The following SCN11A variants were observed in gnomAD, a reference collection of about 807,000 sequenced individuals.
SCN11A encodes sodium channel protein type 11 subunit alpha.
In SCN11A, 122 loss-of-function variants were observed where a neutral mutation model predicts 162.2. The observed-to-expected ratio is 0.75, with a 90% CI of 0.65 to 0.87. The LOEUF (loss-of-function observed/expected upper bound fraction) is 0.87. SCN11A is among the 40% of genes least tolerant of loss of function. The probability of loss-of-function intolerance (pLI) is 0.00; values close to 1 mark genes in which losing one functional copy is unlikely to be tolerated. For synonymous variants in SCN11A, 758 were observed against 751.5 expected, an observed-to-expected ratio of 1.01 and a Z score of -0.14; for missense variants, 2,015 against 2,181.6, an observed-to-expected ratio of 0.92 and a Z score of 1.52.
chr3:38,973,225 A>G (rs1055581136), intron 2 of SCN11A, among the ~76,000 whole-genome samples: 2 of 152,178 alleles, frequency 1.3e-5, no homozygotes, highest in African/African-American at 4.8e-5. Context: ...AACTATTCTC[A>G]ACCTTCAGTT....
chr3:38,934,688 T>C (rs2066300875), intron 7 of SCN11A, among the ~76,000 whole-genome samples: 2 of 151,930 alleles, frequency 1.3e-5, no homozygotes, highest in South Asian at 4.2e-4. Context: ...CTATCCTAAA[T>C]ATATATGCAC....
intron 21 of SCN11A, among the ~76,000 whole-genome samples, chr3:38,884,890 T>G (rs1439402067): frequency 2.0e-5 from 3 of 152,260 alleles, no homozygotes; most frequent in Non-Finnish European, 4.4e-5. Context: ...GGCCAGAATT[T>G]GAGCTCAGGC....
chr3:38,931,664 T>C (rs6422145), intron 7 of SCN11A, among the ~76,000 whole-genome samples: 135,709 of 152,278 alleles, frequency 0.89, 60,555 homozygotes, highest in South Asian at 0.92. Flanking sequence ...GTTCACATAG[T>C]CCCTTTCCTG....
intron 2 of SCN11A, among the ~76,000 whole-genome samples, chr3:39,012,273 C>T (rs1233877481): frequency 1.3e-5 from 2 of 151,894 alleles, no homozygotes; most frequent in Non-Finnish European, 2.9e-5. Flanking sequence ...TGCAGTGAGT[C>T]GAGATTACGC....
intron 2 of SCN11A, among the ~76,000 whole-genome samples, chr3:39,012,376 TG>T (rs1463366248): frequency 6.6e-6 from 1 of 152,110 alleles, no homozygotes; most frequent in African/African-American, 2.4e-5. Context: ...ATAAACTTGG[TG>T]TACTGGATCA....
Position 38,846,831 on chromosome 3 carries a change from A to G in SCN11A, c.5239T>C (p.Tyr1747His), listed in dbSNP as rs1484570597. The change falls in exon 30 of 30, where the codon TAC (tyrosine) becomes CAC (histidine). Residue 1747 changes from tyrosine to histidine, a missense_variant. Tyr to His is a moderately conservative substitution (Grantham distance 83). Coordinates refer to ENST00000302328, the MANE Select transcript of SCN11A (RefSeq NM_001349253.2). ...TCACCCTTGGTCACCTTCATCATGT[A>G]CTTTCGAAAGGCCTTTTGAATAATA... Reference protein sequence around the residue: ...AAIIQKAFRKYMMKVTKGDQG... With the variant: ...AAIIQKAFRKHMMKVTKGDQG... The G allele has an allele frequency of 3.1e-6, 5 of 1,613,546 alleles. No individual in the cohort carries two copies. The highest frequency in any genetic ancestry group is 4.2e-6 in the Non-Finnish European group (5 of 1,179,930).
chr3:38,907,342 G>GTATA (rs1211789727), intron 14 of SCN11A, among the ~76,000 whole-genome samples: 1 of 31,762 alleles, frequency 3.1e-5, no homozygotes, highest in African/African-American at 5.6e-5. Flanking sequence ...GTGTGTGTGT[G>GTATA]TATATATCTA....
At chr3:38,983,385 G>A (rs1405060420) in intron 2 of SCN11A, among the ~76,000 whole-genome samples, 2 of 152,200 alleles carry the variant, frequency 1.3e-5, no homozygotes, top group African/African-American at 2.4e-5. Context: ...CTGAGGAAGG[G>A]TGCTCACTGT....
At chr3:38,937,634 A>G (rs1445693539) in intron 7 of SCN11A, among the ~76,000 whole-genome samples, 1 of 151,608 alleles carries the variant, frequency 6.6e-6, no homozygotes, top group Non-Finnish European at 1.5e-5. Flanking sequence ...GCTCACCATC[A>G]CTGGCCATCA....
At position 38,910,062 on chromosome 3, in the gene SCN11A, T is replaced by TA; in HGVS notation, c.1101+3dup. The TA allele has an allele frequency of 6.2e-7, 1 of 1,613,434 alleles. No individual in the cohort carries two copies. ...AGGAAAAAGAGAGACTATAAATAGA[T>TA]AACCTGTTGATAAAGCTTCTCCCAG... On this transcript the variant is annotated splice_donor_region_variant and intron_variant, in intron 12 of 29. Transcript: ENST00000302328.
chr3:39,000,451 C>T (rs771442557), intron 2 of SCN11A, among the ~76,000 whole-genome samples: 108 of 152,188 alleles, frequency 7.1e-4, no homozygotes, highest in Non-Finnish European at 7.6e-4. Context: ...TTCTCTTCCA[C>T]TCAATCAGCA....
chr3:38,966,794 TCTCCTTGG>T (rs2066785139), intron 2 of SCN11A, among the ~76,000 whole-genome samples: 2 of 152,234 alleles, frequency 1.3e-5, no homozygotes, highest in Non-Finnish European at 2.9e-5. Context: ...TATCTATTAT[TCTCCTTGG>T]CTTCTGTGAA....
At chr3:38,862,100 G>A (rs1353494244) in intron 28 of SCN11A, among the ~76,000 whole-genome samples, 2 of 151,854 alleles carry the variant, frequency 1.3e-5, no homozygotes, top group South Asian at 4.2e-4. Context: ...ATTCTCAAAA[G>A]AAGATTTACA....
intron 23 of SCN11A, among the ~76,000 whole-genome samples, chr3:38,874,484 G>C (rs13079727): frequency 0.2 from 30,714 of 151,980 alleles, 3,464 homozygotes; most frequent in Non-Finnish European, 0.25. Context: ...TGTAGTCCCA[G>C]CTACTTAGGA....
chr3:39,015,767 T>C (rs1293833679), intron 2 of SCN11A, among the ~76,000 whole-genome samples: 1 of 152,192 alleles, frequency 6.6e-6, no homozygotes, highest in Non-Finnish European at 1.5e-5. Flanking sequence ...GACAGAGTCT[T>C]GCTCTGACTC....
chr3:38,984,052 C>T (rs6785071), intron 2 of SCN11A, among the ~76,000 whole-genome samples: 142,107 of 152,300 alleles, frequency 0.93, 66,397 homozygotes, highest in East Asian at 1. Flanking sequence ...GGAAAGTTTC[C>T]ACACCAGTCA....
At chr3:38,963,358 T>G (rs1182545896) in intron 2 of SCN11A, among the ~76,000 whole-genome samples, 1 of 71,184 alleles carries the variant, frequency 1.4e-5, no homozygotes, top group Admixed American at 1.3e-4. Flanking sequence ...GATGGATATA[T>G]ATATATATAT....
At chr3:39,002,683 A>G (rs1466859170) in intron 2 of SCN11A, among the ~76,000 whole-genome samples, 1 of 152,194 alleles carries the variant, frequency 6.6e-6, no homozygotes, top group Non-Finnish European at 1.5e-5. Context: ...TTGATTTTGC[A>G]TTTGGCTTTG....
chr3:38,864,052 G>T (rs1034927803), intron 27 of SCN11A, among the ~76,000 whole-genome samples: 2 of 152,208 alleles, frequency 1.3e-5, no homozygotes, highest in East Asian at 3.9e-4. Context: ...GGGGGTAATG[G>T]GAAATAAGGC....
Sources: gnomAD v4.1 joint callset for allele counts (sites outside exome capture counted in the v4.1 genomes callset) on GRCh38, gnomAD v4.1.1 for gene constraint, MANE v1.5 for transcripts, NCBI Gene and HGNC (gene_info 2026-07-23, HGNC 2026-07-21) for gene names.